Variants in STK31 observed in about 807,000 individuals in gnomAD.
STK31 encodes serine/threonine-protein kinase 31.
In STK31, 89 loss-of-function variants were observed where a neutral mutation model predicts 129.7. The observed-to-expected ratio is 0.69, with a 90% CI of 0.58 to 0.82. The LOEUF is 0.82. Among genes scored for constraint, STK31 ranks in the 40% least tolerant of loss-of-function variants. The pLI is 0.00. For missense variants in STK31, 1,187 were observed against 1,176.4 expected (o/e 1.01, Z -0.13); for synonymous variants, 448 against 395.3 (o/e 1.13, Z -1.58).
At chr7:23,711,431 A>G (rs916650357) in intron 1 of STK31, among the ~76,000 whole-genome samples, 10 of 134,408 alleles carry the variant, frequency 7.4e-5, no homozygotes, top group Non-Finnish European at 1.3e-4. Flanking sequence ...TTTGGGGGGA[A>G]AAAAAAAAAA....
chr7:23,771,523 C>T (rs970770847), intron 14 of STK31: 2 of 153,386 alleles, frequency 1.3e-5, no homozygotes, highest in Admixed American at 1.3e-4. Context: ...TTTTAAGTTA[C>T]TTCAAACATA....
At chr7:23,805,055 A>T (rs1792612396) in intron 22 of STK31, among the ~76,000 whole-genome samples, 1 of 151,614 alleles carries the variant, frequency 6.6e-6, no homozygotes. Flanking sequence ...TGTGAGTAAA[A>T]CATTCTTTCT....
At chr7:23,773,652 CCCA>C (rs1790340009) in intron 15 of STK31, among the ~76,000 whole-genome samples, 1 of 152,090 alleles carries the variant, frequency 6.6e-6, no homozygotes, top group Non-Finnish European at 1.5e-5. Flanking sequence ...AATTTACACT[CCCA>C]CCAACAGTGT....
intron 15 of STK31, among the ~76,000 whole-genome samples, chr7:23,773,014 T>C (rs919857646): frequency 6.6e-6 from 1 of 152,132 alleles, no homozygotes; most frequent in Non-Finnish European, 1.5e-5. Context: ...GGGAAGTTGA[T>C]TTTTTTAGTC....
intron 21 of STK31, among the ~76,000 whole-genome samples, chr7:23,790,381 A>G (rs995622383): frequency 6.6e-6 from 1 of 152,214 alleles, no homozygotes; most frequent in Admixed American, 6.5e-5. Context: ...TATAGGATTC[A>G]TGCTATTGTC....
chr7:23,799,318 T>C (rs1167807324), intron 22 of STK31, among the ~76,000 whole-genome samples: 1 of 152,168 alleles, frequency 6.6e-6, no homozygotes, highest in Admixed American at 6.5e-5. Flanking sequence ...GCTGGAGGCA[T>C]CATGCTACCT....
chr7:23,764,447 A>G (rs1789684223), intron 11 of STK31, among the ~76,000 whole-genome samples: 1 of 152,232 alleles, frequency 6.6e-6, no homozygotes, highest in Admixed American at 6.5e-5. Context: ...TTTTTCAAGT[A>G]TCCAAGAAAG....
At chr7:23,818,605 CTTTT>C (rs1486366200) in intron 23 of STK31, among the ~76,000 whole-genome samples, 1 of 108,158 alleles carries the variant, frequency 9.2e-6, no homozygotes, top group Non-Finnish European at 1.8e-5. Context: ...TTCTTCACTG[CTTTT>C]TTGTTTTGTT....
At chr7:23,819,430 T>A (rs1793665652) in intron 23 of STK31, among the ~76,000 whole-genome samples, 1 of 152,158 alleles carries the variant, frequency 6.6e-6, no homozygotes, top group African/African-American at 2.4e-5. Flanking sequence ...CTTTTTTTTT[T>A]TTTTTGAGAC....
Position 23,812,023 on chromosome 7 carries a change from G to GA in STK31, c.2761-3121_2761-3120insA, listed in dbSNP as rs974485338. Among the ~76,000 whole-genome samples, 4 of 152,028 alleles carry GA rather than the reference G, an allele frequency of 2.6e-5. No individual in the cohort carries two copies. In the East Asian group the frequency reaches 7.7e-4, roughly 29 times the overall value. On this transcript the variant is annotated intron_variant, in intron 22 of 23. Coordinates refer to ENST00000355870, the MANE Select transcript of STK31 (RefSeq NM_031414.5). ...AGTCTGTGGTATTAGTCATATTTCT[G>GA]TTTTTTTCCATTGTTATTTCTTCCT...
intron 15 of STK31, among the ~76,000 whole-genome samples, chr7:23,777,908 T>C (rs1790661521): frequency 6.6e-6 from 1 of 152,172 alleles, no homozygotes; most frequent in South Asian, 2.1e-4. Flanking sequence ...TGCCCATTAG[T>C]TGATGTAGTT....
chr7:23,785,451 T>G, intron 17 of STK31, 27 bp from the exon 18 acceptor site: 1 of 1,608,938 alleles, frequency 6.2e-7, no homozygotes, highest in Non-Finnish European at 8.5e-7. Flanking sequence ...TTTGGATTCT[T>G]TAACTGTGAT....
At chr7:23,794,982 T>G (rs757629290) in intron 22 of STK31, among the ~76,000 whole-genome samples, 28 of 152,296 alleles carry the variant, frequency 1.8e-4, no homozygotes, top group South Asian at 1.2e-3. Context: ...ATTTGGAGCC[T>G]GATGATGTGG....
chr7:23,723,666 T>G (rs947778057), intron 4 of STK31, among the ~76,000 whole-genome samples: 7 of 152,200 alleles, frequency 4.6e-5, no homozygotes, highest in African/African-American at 1.7e-4. Flanking sequence ...TGTAGAAGGG[T>G]CATAGGCTAT....
In STK31 at chr7:23,759,757, T is replaced by C. The variant is rs187260611; in HGVS notation, c.1294-3044T>C. Among the ~76,000 whole-genome samples, 23 of 152,320 alleles carry C rather than the reference T, an allele frequency of 1.5e-4. No individual in the cohort carries two copies. The East Asian group carries it at 3.7e-3, about 24-fold the overall frequency. Reference sequence around the variant, plus strand: ...TATTTATGGTAAGTATAACTTATGATTGTCAAACTGCATCTGTACTGGGAG... The same window carrying C: ...TATTTATGGTAAGTATAACTTATGACTGTCAAACTGCATCTGTACTGGGAG... On this transcript the variant is annotated intron_variant, in intron 10 of 23. Coordinates refer to ENST00000355870, the MANE Select transcript of STK31 (RefSeq NM_031414.5).
Position 23,736,924 on chromosome 7 carries a change from A to T in STK31, c.863A>T (p.Asp288Val), listed in dbSNP as rs371784764. The T allele has an allele frequency of 6.2e-7, 1 of 1,600,344 alleles. No individual in the cohort carries two copies. Among genetic ancestry groups the T allele is most frequent in the Middle Eastern group, 1.7e-4 (1 of 5,964 alleles). ...TFPKESLAVG[D>V]FNLGSNVSLE... is the part of the protein sequence containing the mutation. ...TATAGGGAAAGTTTGGCTGTTGGTG[A>T]CTTTAATTTAGGGTCTAACGTCAGC... The change falls in exon 8 of 24, where the codon GAC becomes GTC. Residue 288 changes from aspartate (D) to valine (V), a missense_variant. By Grantham distance (152) the Asp-to-Val change is radical (BLOSUM62 -3). Coordinates refer to ENST00000355870, the MANE Select transcript of STK31 (RefSeq NM_031414.5).
chr7:23,755,457 C>G (rs1258216880), intron 10 of STK31, among the ~76,000 whole-genome samples: 1 of 152,170 alleles, frequency 6.6e-6, no homozygotes, highest in Admixed American at 6.5e-5. Flanking sequence ...GTTGCCTGTT[C>G]ACTGTGATGA....
At chr7:23,805,165 T>G (rs1792625105) in intron 22 of STK31, among the ~76,000 whole-genome samples, 1 of 150,132 alleles carries the variant, frequency 6.7e-6, no homozygotes, top group African/African-American at 2.5e-5. Flanking sequence ...AACCTCTGCC[T>G]CCTAGGTTCA....
In STK31 at chr7:23,769,632, C is replaced by T; in HGVS notation, c.1597-8C>T. The T allele has an allele frequency of 1.3e-6, 2 of 1,574,776 alleles. No homozygotes were observed. The highest frequency in any genetic ancestry group is 2.3e-5 in the South Asian group (2 of 87,914). On this transcript the variant is annotated splice_region_variant and splice_polypyrimidine_tract_variant and intron_variant, in intron 12 of 23. Transcript: ENST00000355870. ...GAGATATTTCATGTGTTTATTTTTGCAAATGAGGTTTTTGACCTATCTGTG... is the reference window on the plus strand; with the variant it reads ...GAGATATTTCATGTGTTTATTTTTGTAAATGAGGTTTTTGACCTATCTGTG...
Sources: allele counts gnomAD v4.1 joint callset (sites outside exome capture counted in the v4.1 genomes callset), GRCh38; gene constraint gnomAD v4.1.1; transcripts MANE v1.5; gene names NCBI Gene and HGNC (gene_info 2026-07-23, HGNC 2026-07-21).